The following CDH12 variants were observed in gnomAD, a reference collection of about 807,000 sequenced individuals.
CDH12 encodes cadherin 12.
In CDH12, 41 loss-of-function variants were observed where a neutral mutation model predicts 74.1. That is an observed-to-expected ratio of 0.55 (90% CI 0.43 to 0.72). CDH12 has a LOEUF of 0.72. CDH12 is among the 30% of genes least tolerant of loss of function. The pLI is 0.00. For synonymous variants in CDH12, 399 were observed against 355.0 expected (o/e 1.12, Z -1.39); for missense variants, 945 against 977.2 (o/e 0.97, Z 0.44).
chr5:22,051,850 G>A (rs1370598892), intron 5 of CDH12, among the ~76,000 whole-genome samples: 1 of 151,898 alleles, frequency 6.6e-6, no homozygotes, highest in Non-Finnish European at 1.5e-5. Context: ...GATAGGCAAG[G>A]GTGTAATTTG....
intron 6 of CDH12, among the ~76,000 whole-genome samples, chr5:21,942,347 TAC>T (rs70957081): frequency 0.37 from 48,109 of 129,192 alleles, 9,302 homozygotes; most frequent in Admixed American, 0.46. Context: ...TATATATATA[TAC>T]ACACACACAC....
At chr5:22,698,843 A>T (rs1002685251) in intron 1 of CDH12, among the ~76,000 whole-genome samples, 1 of 150,154 alleles carries the variant, frequency 6.7e-6, no homozygotes, top group Non-Finnish European at 1.5e-5. Flanking sequence ...AATAATTCTC[A>T]TGAACATGCT....
At chr5:21,990,902 A>G (rs1757715162) in intron 5 of CDH12, among the ~76,000 whole-genome samples, 1 of 151,518 alleles carries the variant, frequency 6.6e-6, no homozygotes, top group Non-Finnish European at 1.5e-5. Context: ...GAATCATCTC[A>G]CTTTTAATTT....
intron 1 of CDH12, among the ~76,000 whole-genome samples, chr5:22,571,714 G>T (rs1357778019): frequency 1.3e-4 from 20 of 152,134 alleles, no homozygotes; most frequent in African/African-American, 4.6e-4. Context: ...GTTATTAACT[G>T]ACCTAATGTC....
At chr5:21,960,592 AAC>A (rs748478473) in intron 6 of CDH12, among the ~76,000 whole-genome samples, 12 of 152,098 alleles carry the variant, frequency 7.9e-5, no homozygotes, top group Non-Finnish European at 1.6e-4. Flanking sequence ...TCTGGATTAA[AAC>A]ACACAAAAAA....
At chr5:22,536,441 A>G (rs76714555) in intron 1 of CDH12, among the ~76,000 whole-genome samples, 22,769 of 151,956 alleles carry the variant, frequency 0.15, 2,300 homozygotes, top group East Asian at 0.36. Context: ...GGTGGTGGTG[A>G]TAGTGGTAGT....
intron 12 of CDH12, among the ~76,000 whole-genome samples, chr5:21,761,742 T>TATAGATAGATAGATAGATAG (rs5866522): frequency 1.6e-4 from 23 of 147,462 alleles, no homozygotes; most frequent in African/African-American, 3.0e-4. Context: ...GATGGATAGA[T>TATAGATAGATAGATAGATAG]ATAGATAGAT....
intron 2 of CDH12, among the ~76,000 whole-genome samples, chr5:22,417,902 C>T (rs1414405962): frequency 6.6e-6 from 1 of 152,130 alleles, no homozygotes; most frequent in Non-Finnish European, 1.5e-5. Context: ...AGATCTGTTG[C>T]TATTCATGGT....
chr5:22,514,117 G>T (rs1404501890), intron 1 of CDH12, among the ~76,000 whole-genome samples: 1 of 151,712 alleles, frequency 6.6e-6, no homozygotes, highest in Non-Finnish European at 1.5e-5. Flanking sequence ...TAGAGACTAT[G>T]GGTCAAATGA....
intron 3 of CDH12, among the ~76,000 whole-genome samples, chr5:22,334,157 G>A (rs1391639969): frequency 2.6e-5 from 4 of 152,096 alleles, no homozygotes; most frequent in African/African-American, 9.6e-5. Context: ...GAAATAAAGG[G>A]CATCCAAATT....
intron 2 of CDH12, among the ~76,000 whole-genome samples, chr5:22,432,562 C>A (rs368352414): frequency 6.7e-6 from 1 of 149,252 alleles, no homozygotes; most frequent in African/African-American, 2.5e-5. Context: ...TGTGTGTGTG[C>A]GTGTGTGTGT....
intron 6 of CDH12, among the ~76,000 whole-genome samples, chr5:21,888,867 C>T (rs1030583931): frequency 2.0e-5 from 3 of 151,670 alleles, no homozygotes; most frequent in Admixed American, 6.6e-5. Context: ...TTTTTATAGC[C>T]AGTCCATTAT....
chr5:22,398,388 C>T (rs1470075147), intron 3 of CDH12, among the ~76,000 whole-genome samples: 1 of 152,106 alleles, frequency 6.6e-6, no homozygotes, highest in Non-Finnish European at 1.5e-5. Flanking sequence ...TACCAACGCC[C>T]TCTTTTACAA....
At chr5:22,571,942 GA>G (rs1739563062) in intron 1 of CDH12, among the ~76,000 whole-genome samples, 1 of 152,082 alleles carries the variant, frequency 6.6e-6, no homozygotes, top group African/African-American at 2.4e-5. Context: ...TAAAAAGTTT[GA>G]AATATTGCAA....
intron 8 of CDH12, among the ~76,000 whole-genome samples, chr5:21,827,376 C>A (rs7444150): frequency 0.96 from 146,749 of 152,098 alleles, 70,811 homozygotes; most frequent in East Asian, 1. Context: ...GGAGAGAAAA[C>A]TCCATGAAAA....
chr5:22,493,190 G>T (rs1460609695), intron 2 of CDH12, among the ~76,000 whole-genome samples: 1 of 152,114 alleles, frequency 6.6e-6, no homozygotes, highest in East Asian at 1.9e-4. Context: ...CAACTTTTCT[G>T]ACCACCAATC....
chr5:21,760,923 C>A (rs376583264), intron 12 of CDH12, among the ~76,000 whole-genome samples: 7 of 152,140 alleles, frequency 4.6e-5, no homozygotes, highest in African/African-American at 2.4e-5. Context: ...AAAAAGGTAA[C>A]CAGCATTAAA....
At chr5:22,399,019 T>G (rs1742588949) in intron 3 of CDH12, among the ~76,000 whole-genome samples, 1 of 152,058 alleles carries the variant, frequency 6.6e-6, no homozygotes, top group African/African-American at 2.4e-5. Context: ...AAAAAGAGGT[T>G]TTTTGTTTTG....
intron 4 of CDH12, among the ~76,000 whole-genome samples, chr5:22,106,535 G>A (rs1388634157): frequency 1.3e-5 from 2 of 152,102 alleles, no homozygotes; most frequent in African/African-American, 4.8e-5. Flanking sequence ...CTAAACTACA[G>A]ACACTCTTCT....
Sources: allele counts gnomAD v4.1 joint callset (sites outside exome capture counted in the v4.1 genomes callset), GRCh38; gene constraint gnomAD v4.1.1; transcripts MANE v1.5; gene names NCBI Gene and HGNC (gene_info 2026-07-23, HGNC 2026-07-21).